The following GPRIN3 variants were observed in gnomAD, a reference collection of about 807,000 sequenced individuals.
GPRIN3 encodes the protein G protein-regulated inducer of neurite outgrowth 3.
GPRIN3 carries 12 observed loss-of-function variants against 13.7 expected under a neutral mutation model. The observed-to-expected ratio is 0.87, with a 90% confidence interval of 0.56 to 1.42. The LOEUF is 1.42. GPRIN3 is among the 40% of genes most tolerant of loss of function. The pLI, the probability that GPRIN3 is intolerant of heterozygous loss-of-function variation, is 0.00. For synonymous variants in GPRIN3, 377 were observed against 372.7 expected (o/e 1.01, Z -0.13); for missense variants, 1,009 against 958.7 (o/e 1.05, Z -0.69).
chr4:89,270,341 CAAAA>C (rs956776919), intron 1 of GPRIN3, among the ~76,000 whole-genome samples: 2 of 149,498 alleles, frequency 1.3e-5, no homozygotes, highest in African/African-American at 4.9e-5. Flanking sequence ...AACAAACAAA[CAAAA>C]AAACAACCAA....
chr4:89,292,071 G>C (rs959764209), intron 1 of GPRIN3, among the ~76,000 whole-genome samples: 7 of 152,044 alleles, frequency 4.6e-5, no homozygotes, highest in South Asian at 2.1e-4. Context: ...CCCATCCCAA[G>C]TGCAGGGATT....
intron 1 of GPRIN3, among the ~76,000 whole-genome samples, chr4:89,263,239 C>T (rs759495177): frequency 1.3e-5 from 2 of 152,208 alleles, no homozygotes; most frequent in African/African-American, 4.8e-5. Flanking sequence ...AAATTTTAAT[C>T]GTTCCCCATT....
chr4:89,292,431 G>C (rs1485681600), intron 1 of GPRIN3, among the ~76,000 whole-genome samples: 1 of 152,114 alleles, frequency 6.6e-6, no homozygotes, highest in South Asian at 2.1e-4. Context: ...AAGAAATTAA[G>C]AATTATTAAT....
intron 1 of GPRIN3, among the ~76,000 whole-genome samples, chr4:89,275,902 T>TG (rs1308301916): frequency 6.6e-6 from 1 of 152,188 alleles, no homozygotes; most frequent in African/African-American, 2.4e-5. Context: ...CTCACCTTAA[T>TG]GGGGGTCAGT....
rs1313016787 is a variant in GPRIN3 at position 89,243,590 on chromosome 4, G to GAA, written c.*4189_*4190insTT. On this transcript the variant is annotated 3_prime_UTR_variant, in exon 2 of 2. Transcript: ENST00000609438. ...AAAACAGAGTGGGAATAAGGTAGTC[G>GAA]GCTCACTTATGCAAGATACTGCTGA... The GAA allele has an allele frequency of 6.6e-6, 1 of 152,132 alleles. No homozygotes were observed. Among genetic ancestry groups the GAA allele is most frequent in the African/African-American group, 2.4e-5 (1 of 41,412 alleles). 9.4% of individuals were successfully genotyped at this position (152,132 alleles called of 1,614,324 possible).
At chr4:89,290,894 T>C (rs1417186229) in intron 1 of GPRIN3, among the ~76,000 whole-genome samples, 1 of 152,130 alleles carries the variant, frequency 6.6e-6, no homozygotes, top group African/African-American at 2.4e-5. Context: ...GAGCACTCAC[T>C]ACTCCCACAC....
chr4:89,281,083 C>A (rs1724237085), intron 1 of GPRIN3, among the ~76,000 whole-genome samples: 2 of 151,206 alleles, frequency 1.3e-5, no homozygotes, highest in Non-Finnish European at 2.9e-5. Flanking sequence ...CATCACATAG[C>A]CAGAGTAGGA....
rs1173115857 is a variant in GPRIN3, at chr4:89,241,868, A to G, written c.*5912T>C. On this transcript the variant is annotated 3_prime_UTR_variant, in exon 2 of 2. Coordinates refer to ENST00000609438, the MANE Select transcript of GPRIN3 (RefSeq NM_198281.3). The stretch of plus-strand genomic sequence containing the variant: ...GTTATTAAAAGCAATGATATGAATC[A>G]GAAAAAAAACTGTTTAACTGCTCAA... The G allele has an allele frequency of 6.6e-6, 1 of 152,210 alleles. No homozygotes were observed. Among genetic ancestry groups the G allele is most frequent in the East Asian group, 1.9e-4 (1 of 5,204 alleles). 9.4% of individuals were successfully genotyped at this position (152,210 alleles called of 1,614,324 possible). A position where few individuals can be genotyped will look rare whatever the true frequency, so the allele number is the denominator to read the frequency against.
chr4:89,275,133 ACT>A (rs1491466952), intron 1 of GPRIN3, among the ~76,000 whole-genome samples: 1 of 71,688 alleles, frequency 1.4e-5, no homozygotes, highest in Non-Finnish European at 2.9e-5. Context: ...GGACTAAGTA[ACT>A]CTGTGTGTGT....
intron 1 of GPRIN3, among the ~76,000 whole-genome samples, chr4:89,265,939 T>C (rs891971911): frequency 6.6e-6 from 1 of 152,210 alleles, no homozygotes; most frequent in Non-Finnish European, 1.5e-5. Flanking sequence ...TTGAAATGCA[T>C]GGAGGGGTGA....
intron 1 of GPRIN3, among the ~76,000 whole-genome samples, chr4:89,260,852 T>C (rs1723602554): frequency 6.6e-6 from 1 of 152,206 alleles, no homozygotes. Flanking sequence ...CAAAGACAAT[T>C]ACAAAATACT....
rs1224339923 is a variant in GPRIN3 at position 89,249,655 on chromosome 4, T to C, written c.456A>G (p.Glu152=). The C allele has an allele frequency of 1.9e-6, 3 of 1,614,202 alleles. No homozygotes were observed. The East Asian group carries it at 6.7e-5, about 36-fold the overall frequency. The change falls in exon 2 of 2, where the codon GAA becomes GAG. Residue 152 remains glutamate (E), a synonymous_variant. Transcript: ENST00000609438. ...TTCTCTGTGATCTCATCAGGGAATC[T>C]TCAGGCATGGATGAGGTGATGGCAT... ...QPNAITSSMP[E]DSLMRSQRTS...
intron 1 of GPRIN3, among the ~76,000 whole-genome samples, chr4:89,282,435 T>A (rs372295740): frequency 5.8e-4 from 89 of 152,246 alleles, no homozygotes; most frequent in African/African-American, 2.0e-3. Flanking sequence ...GTGGTGTGCA[T>A]CTATTATTGG....
intron 1 of GPRIN3, among the ~76,000 whole-genome samples, chr4:89,301,074 T>A (rs1724883364): frequency 6.6e-6 from 1 of 152,026 alleles, no homozygotes; most frequent in African/African-American, 2.4e-5. Flanking sequence ...TAGAAACAGG[T>A]CTTAAGAATT....
chr4:89,255,064 G>A (rs911646857), intron 1 of GPRIN3, among the ~76,000 whole-genome samples: 1 of 152,180 alleles, frequency 6.6e-6, no homozygotes, highest in Non-Finnish European at 1.5e-5. Context: ...GTGCAGCTGG[G>A]TTTGAAGACC....
intron 1 of GPRIN3, among the ~76,000 whole-genome samples, chr4:89,306,951 C>G (rs764554392): frequency 2.0e-5 from 3 of 152,042 alleles, no homozygotes; most frequent in Non-Finnish European, 4.4e-5. Flanking sequence ...TGAAGATCTT[C>G]TGTGTGTGTT....
At chr4:89,269,313 G>A (rs1218510160) in intron 1 of GPRIN3, among the ~76,000 whole-genome samples, 3 of 152,110 alleles carry the variant, frequency 2.0e-5, no homozygotes, top group Non-Finnish European at 4.4e-5. Context: ...AGGCTAGCCT[G>A]CTGAATGTGG....
intron 1 of GPRIN3, among the ~76,000 whole-genome samples, chr4:89,259,890 ACAC>A (rs2149263508): frequency 6.6e-6 from 1 of 152,324 alleles, no homozygotes; most frequent in African/African-American, 2.4e-5. Flanking sequence ...ACCAAGTCAG[ACAC>A]CACCAAGTTC....
chr4:89,257,012 CCTT>C (rs1373883314), intron 1 of GPRIN3, among the ~76,000 whole-genome samples: 2 of 152,144 alleles, frequency 1.3e-5, no homozygotes, highest in Non-Finnish European at 2.9e-5. Flanking sequence ...AAGAGCAGTC[CCTT>C]CTTCTTTCTT....
Sources: gnomAD v4.1 joint callset for allele counts (sites outside exome capture counted in the v4.1 genomes callset) on GRCh38, gnomAD v4.1.1 for gene constraint, MANE v1.5 for transcripts, NCBI Gene and HGNC (gene_info 2026-07-23, HGNC 2026-07-21) for gene names.